The following KCND2 variants were observed in gnomAD, a reference collection of about 807,000 sequenced individuals.
The protein encoded by KCND2 is potassium voltage-gated channel subfamily D member 2.
Under a neutral mutation model 54.4 loss-of-function variants are expected in KCND2, and 16 were observed. That is an observed-to-expected ratio of 0.29 (90% CI 0.20 to 0.45). The LOEUF is 0.45. Among genes scored for constraint, KCND2 ranks in the 20% least tolerant of loss-of-function variants. The pLI is 1.00. For missense variants in KCND2, 486 were observed against 824.2 expected (o/e 0.59, Z 5.02); for synonymous variants, 317 against 310.7 (o/e 1.02, Z -0.21).
chr7:120,741,409 C>T (rs991262586), intron 2 of KCND2, 125 bp from the exon 3 acceptor site: 1 of 705,684 alleles, frequency 1.4e-6, no homozygotes. Flanking sequence ...TCAATAGTTG[C>T]ATTTGAAAAG....
In KCND2 at chr7:120,508,028, G is replaced by T. The variant is rs185307051; in HGVS notation, c.1116-224875G>T. Among the ~76,000 whole-genome samples the T allele has an allele frequency of 8.5e-3, 1,285 of 151,624 alleles. 18 individuals carry two copies. Among genetic ancestry groups the T allele is most frequent in the African/African-American group, 0.03 (1,233 of 41,428 alleles). ...TATTAAGAGTCTATATTGCCATTTTGATCATTTTAATGAATTTCAAAGGCT... is the reference window on the plus strand; with the variant it reads ...TATTAAGAGTCTATATTGCCATTTTTATCATTTTAATGAATTTCAAAGGCT... On this transcript the variant is annotated intron_variant, in intron 1 of 5. Coordinates refer to ENST00000331113, the MANE Select transcript of KCND2 (RefSeq NM_012281.3).
intron 1 of KCND2, among the ~76,000 whole-genome samples, chr7:120,602,889 T>C (rs1792832848): frequency 6.6e-6 from 1 of 152,194 alleles, no homozygotes; most frequent in Non-Finnish European, 1.5e-5. Flanking sequence ...TTCTTAGAAA[T>C]CTATCGAAAT....
chr7:120,529,477 A>G (rs1181098453), intron 1 of KCND2, among the ~76,000 whole-genome samples: 1 of 152,182 alleles, frequency 6.6e-6, no homozygotes, highest in Non-Finnish European at 1.5e-5. Flanking sequence ...CTATGTCAGT[A>G]AAATCCCAAA....
intron 1 of KCND2, among the ~76,000 whole-genome samples, chr7:120,341,989 T>C (rs1452306534): frequency 1.3e-5 from 2 of 152,132 alleles, no homozygotes; most frequent in Non-Finnish European, 2.9e-5. Context: ...TGTGATCCCA[T>C]CTCATGTGAT....
At chr7:120,624,661 G>A (rs1326441780) in intron 1 of KCND2, among the ~76,000 whole-genome samples, 1 of 151,846 alleles carries the variant, frequency 6.6e-6, no homozygotes, top group East Asian at 1.9e-4. Flanking sequence ...CACGCCTGTG[G>A]TCCCAGCTAA....
chr7:120,386,272 A>G (rs1297669391), intron 1 of KCND2, among the ~76,000 whole-genome samples: 3 of 152,120 alleles, frequency 2.0e-5, no homozygotes, highest in Non-Finnish European at 4.4e-5. Context: ...CTCCCACACC[A>G]TTTTATGAGG....
chr7:120,314,823 A>G (rs568132186), intron 1 of KCND2, among the ~76,000 whole-genome samples: 5 of 152,328 alleles, frequency 3.3e-5, no homozygotes, highest in Admixed American at 2.6e-4. Flanking sequence ...TGAATATGAA[A>G]GTATACAAAA....
intron 1 of KCND2, among the ~76,000 whole-genome samples, chr7:120,405,716 T>C (rs1317911151): frequency 6.6e-6 from 1 of 152,092 alleles, no homozygotes; most frequent in Non-Finnish European, 1.5e-5. Flanking sequence ...AAAAACCTTC[T>C]TGTTTGTCAG....
Position 120,274,813 on chromosome 7 carries a change from C to A in KCND2, c.181C>A (p.Arg61Ser). 6.2e-7 allele frequency: 1 copy of A among 1,614,108 alleles called. No individual in the cohort carries two copies. Among genetic ancestry groups the A allele is most frequent in the Non-Finnish European group, 8.5e-7 (1 of 1,180,016 alleles). ...RFQTWQDTLE[R>S]YPDTLLGSSE... ...CCAGACGTGGCAGGACACCCTGGAA[C>A]GTTACCCAGACACTCTACTGGGCAG... Residue 61 changes from arginine to serine, a missense_variant, in exon 1 of 6, where the codon CGT becomes AGT. Physicochemically the swap from Arg to Ser is moderately radical, Grantham distance 110. Coordinates refer to ENST00000331113, the MANE Select transcript of KCND2 (RefSeq NM_012281.3).
intron 1 of KCND2, among the ~76,000 whole-genome samples, chr7:120,437,424 A>C (rs1801883015): frequency 6.6e-6 from 1 of 151,714 alleles, no homozygotes; most frequent in Admixed American, 6.6e-5. Flanking sequence ...CTGCTCTCAA[A>C]CTCCTGGCCT....
In KCND2 at chr7:120,610,631, G is replaced by GA. The variant is rs535073231; in HGVS notation, c.1116-122269dup. ...TGCAGACTTGTACAAGGTCCTAGAG[G>GA]AAACAAATAAATTCCCTTCCCCCAA... On this transcript the variant is annotated intron_variant, in intron 1 of 5. Coordinates refer to ENST00000331113, the MANE Select transcript of KCND2 (RefSeq NM_012281.3). Among the ~76,000 whole-genome samples, 154 of 152,162 alleles carry GA rather than the reference G, an allele frequency of 1.0e-3. 1 individual carries two copies. Among genetic ancestry groups the GA allele is most frequent in the Non-Finnish European group, 1.7e-3 (116 of 67,972 alleles).
chr7:120,531,889 C>G (rs2116365487), intron 1 of KCND2, among the ~76,000 whole-genome samples: 1 of 151,958 alleles, frequency 6.6e-6, no homozygotes, highest in African/African-American at 2.4e-5. Flanking sequence ...TTCTACTTAC[C>G]TCTTCTCTCT....
chr7:120,579,989 G>C (rs1170375082), intron 1 of KCND2, among the ~76,000 whole-genome samples: 1 of 152,186 alleles, frequency 6.6e-6, no homozygotes, highest in Non-Finnish European at 1.5e-5. Flanking sequence ...ATACTGAGAA[G>C]TCTGTGGTTG....
intron 1 of KCND2, among the ~76,000 whole-genome samples, chr7:120,691,592 G>A (rs1381106430): frequency 6.6e-6 from 1 of 152,126 alleles, no homozygotes; most frequent in East Asian, 1.9e-4. Context: ...TAGGAGTGGA[G>A]CTGTGGATAT....
At chr7:120,563,741 G>A (rs1344014287) in intron 1 of KCND2, among the ~76,000 whole-genome samples, 1 of 151,958 alleles carries the variant, frequency 6.6e-6, no homozygotes, top group Admixed American at 6.6e-5. Context: ...GCAGAAACTG[G>A]CCCCTCTCCA....
chr7:120,295,439 G>A (rs533526335), intron 1 of KCND2, among the ~76,000 whole-genome samples: 6 of 150,620 alleles, frequency 4.0e-5, no homozygotes, highest in Non-Finnish European at 8.9e-5. Context: ...CTACATTACA[G>A]TGCAAAGAGT....
intron 1 of KCND2, among the ~76,000 whole-genome samples, chr7:120,306,604 T>C (rs979640081): frequency 6.6e-5 from 10 of 152,064 alleles, no homozygotes; most frequent in Non-Finnish European, 4.4e-5. Context: ...AAAATATCTC[T>C]AATTTTATAA....
intron 1 of KCND2, among the ~76,000 whole-genome samples, chr7:120,364,875 TGC>T (rs1378087702): frequency 1.3e-5 from 2 of 152,030 alleles, no homozygotes; most frequent in African/African-American, 4.8e-5. Context: ...GACAAAGAAT[TGC>T]ACAGATGGGC....
intron 1 of KCND2, among the ~76,000 whole-genome samples, chr7:120,628,906 C>T (rs541451064): frequency 2.6e-5 from 4 of 152,192 alleles, no homozygotes; most frequent in African/African-American, 7.2e-5. Flanking sequence ...TTTTATCTGT[C>T]GATGAAACCA....
Sources: allele counts gnomAD v4.1 joint callset (sites outside exome capture counted in the v4.1 genomes callset), GRCh38; gene constraint gnomAD v4.1.1; transcripts MANE v1.5; gene names NCBI Gene and HGNC (gene_info 2026-07-23, HGNC 2026-07-21).